IFIT2: variants seen among roughly 807,000 people sequenced by gnomAD.
IFIT2 encodes the protein interferon induced protein with tetratricopeptide repeats 2, also known as interferon-induced protein with tetratricopeptide repeats 2.
A neutral mutation model predicts 2.5 loss-of-function variants in IFIT2; 3 were observed. The ratio of observed to expected loss-of-function variants is 1.21; its 90% confidence interval spans 0.55 to 3.14. The LOEUF (loss-of-function observed/expected upper bound fraction) is 3.14, where lower values mean the gene tolerates loss of function less well. Ranked by LOEUF, IFIT2 falls within the 30% of genes most tolerant of loss-of-function variation. The probability of loss-of-function intolerance (pLI) is 0.03; values close to 1 mark genes in which losing one functional copy is unlikely to be tolerated. For missense variants in IFIT2, 493 were observed against 558.9 expected (o/e 0.88, Z 1.19); for synonymous variants, 212 against 200.7 (o/e 1.06, Z -0.48).
Position 89,307,043 on chromosome 10 carries a change from A to G in IFIT2, c.1087A>G (p.Lys363Glu), listed in dbSNP as rs1843485958. Residue 363 changes from lysine to glutamate, a missense_variant, in exon 2 of 2, where the codon AAA becomes GAA. Lys to Glu is a moderately conservative substitution (Grantham distance 56). Coordinates refer to ENST00000371826, the MANE Select transcript of IFIT2 (RefSeq NM_001547.5). ...AEYYFQKEFS[K>E]ELTPVAKQLL... ...GTATTACTTCCAAAAGGAATTCAGTAAAGAGCTTACTCCTGTAGCGAAACA... is the reference window on the plus strand; with the variant it reads ...GTATTACTTCCAAAAGGAATTCAGTGAAGAGCTTACTCCTGTAGCGAAACA... 1.9e-6 allele frequency: 3 copies of G among 1,614,064 alleles called. No individual in the cohort carries two copies. Among genetic ancestry groups the G allele is most frequent in the Non-Finnish European group, 2.5e-6 (3 of 1,179,962 alleles).
intron 1 of IFIT2, 62 bp from the exon 2 acceptor site, chr10:89,305,900 G>A (rs1337095140): frequency 2.6e-6 from 3 of 1,172,716 alleles, no homozygotes; most frequent in Non-Finnish European, 3.7e-6. Flanking sequence ...TATTTGCCAT[G>A]CTCCCATTTC....
intron 1 of IFIT2, among the ~76,000 whole-genome samples, chr10:89,303,145 C>A (rs1040783141): frequency 3.9e-5 from 6 of 152,094 alleles, no homozygotes; most frequent in African/African-American, 1.4e-4. Context: ...ACAATACAGA[C>A]CCATCTGTCC....
In IFIT2 at chr10:89,302,047, G is replaced by A. The variant is rs868622841; in HGVS notation, c.-77G>A. On this transcript the variant is annotated 5_prime_UTR_variant, in exon 1 of 2. Transcript: ENST00000371826. The stretch of plus-strand genomic sequence containing the variant: ...TAGGTCTCTTCAGCATTTATTGGTG[G>A]CAGAAGAGGAAGATTTCTGAAGAGT... The A allele has an allele frequency of 1.7e-4, 263 of 1,569,422 alleles. No homozygotes were observed. Among genetic ancestry groups the A allele is most frequent in the Middle Eastern group, 1.0e-3 (6 of 5,986 alleles).
intron 1 of IFIT2, 89 bp downstream of exon 1, chr10:89,302,217 G>A (rs986618538): frequency 7.2e-7 from 1 of 1,391,890 alleles, no homozygotes; most frequent in Non-Finnish European, 1.0e-6. Context: ...AAGAGGGCCA[G>A]CTCCATTTTA....
intron 1 of IFIT2, among the ~76,000 whole-genome samples, chr10:89,304,068 A>G (rs1263124714): frequency 1.3e-5 from 2 of 152,216 alleles, no homozygotes; most frequent in Non-Finnish European, 2.9e-5. Flanking sequence ...GTAACTTTAA[A>G]TCAGTTCCTG....
At chr10:89,305,914 A>T in intron 1 of IFIT2, 48 bp from the exon 2 acceptor site, 1 of 1,339,966 alleles carries the variant, frequency 7.5e-7, no homozygotes, top group Non-Finnish European at 1.0e-6. Flanking sequence ...CCATTTCTTG[A>T]CATATAAATC....
At position 89,306,633 on chromosome 10, in the gene IFIT2, G is replaced by C; in HGVS notation, c.677G>C (p.Gly226Ala). Reference sequence around the variant, plus strand: ...AAGCTTCATAAGATGCGTGAAGAAGGTGAAGAGGAAGGTGAAGGAGAGAAG... The same window carrying C: ...AAGCTTCATAAGATGCGTGAAGAAGCTGAAGAGGAAGGTGAAGGAGAGAAG... The part of the protein sequence containing the change: ...ALKLHKMREE[G>A]EEEGEGEKLV... Residue 226 changes from glycine (G) to alanine (A), a missense_variant, in exon 2 of 2, where the codon GGT (glycine) becomes GCT (alanine). Transcript: ENST00000371826. 6.2e-7 allele frequency: 1 copy of C among 1,614,124 alleles called. No individual in the cohort carries two copies. Among genetic ancestry groups the C allele is most frequent in the Non-Finnish European group, 8.5e-7 (1 of 1,179,980 alleles).
chr10:89,303,821 G>A (rs1391950119), intron 1 of IFIT2, among the ~76,000 whole-genome samples: 3 of 152,208 alleles, frequency 2.0e-5, no homozygotes, highest in Non-Finnish European at 4.4e-5. Context: ...GAATTGAGAG[G>A]GAGCAAGGAA....
intron 1 of IFIT2, among the ~76,000 whole-genome samples, chr10:89,302,727 T>A (rs551392282): frequency 4.6e-5 from 7 of 152,294 alleles, no homozygotes; most frequent in Admixed American, 2.6e-4. Flanking sequence ...GAGAAAATAG[T>A]TCTGTTCTCA....
intron 1 of IFIT2, among the ~76,000 whole-genome samples, chr10:89,304,768 T>C (rs1330768455): frequency 1.3e-5 from 2 of 152,098 alleles, no homozygotes; most frequent in African/African-American, 4.8e-5. Flanking sequence ...TTTTTGTTGT[T>C]GTTTTGTTTT....
Position 89,307,357 on chromosome 10 carries a change from A to G in IFIT2, c.1401A>G (p.Ser467=). ...CTGGAAGCCTCATCCCTTCAGCATC[A>G]AGCTGGAATGGGGAATGAAGAATAG... is the stretch of plus-strand genomic sequence containing the variant. ...LESGSLIPSA[S]SWNGE The change falls in exon 2 of 2, where the codon TCA becomes TCG. Residue 467 remains serine, a synonymous_variant. Coordinates refer to ENST00000371826, the MANE Select transcript of IFIT2 (RefSeq NM_001547.5). The G allele has an allele frequency of 1.2e-6, 2 of 1,601,674 alleles. No individual in the cohort carries two copies. Among genetic ancestry groups the G allele is most frequent in the Non-Finnish European group, 1.7e-6 (2 of 1,171,120 alleles).
rs1564781798 is a variant in IFIT2 at position 89,306,672 on chromosome 10, C to A, written c.716C>A (p.Ala239Asp). 6.2e-7 allele frequency: 1 copy of A among 1,613,960 alleles called. No individual in the cohort carries two copies. The highest frequency in any genetic ancestry group is 8.5e-7 in the Non-Finnish European group (1 of 1,179,962). ...EGEGEKLVEE[A>D]LEKAPGVTDV... ...GAAGGAGAGAAGTTAGTTGAAGAAGCCTTGGAGAAAGCCCCAGGTGTAACA... is the reference window on the plus strand; with the variant it reads ...GAAGGAGAGAAGTTAGTTGAAGAAGACTTGGAGAAAGCCCCAGGTGTAACA... Residue 239 changes from alanine to aspartate, a missense_variant, in exon 2 of 2, where the codon GCC (alanine) becomes GAC (aspartate). Coordinates refer to ENST00000371826, the MANE Select transcript of IFIT2 (RefSeq NM_001547.5).
Position 89,306,128 on chromosome 10 carries a change from G to A in IFIT2, c.172G>A (p.Ala58Thr), listed in dbSNP as rs757223685. 1.2e-6 allele frequency: 2 copies of A among 1,614,102 alleles called. No homozygotes were observed. The highest frequency in any genetic ancestry group is 1.6e-4 in the Middle Eastern group (1 of 6,062). The change falls in exon 2 of 2, where the codon GCC becomes ACC. Residue 58 changes from alanine to threonine, a missense_variant. Transcript: ENST00000371826. ...CAAAGCCACAATGTGCAACCTACTGGCCTATCTAAAGCACCTCAAAGGGCA... is the reference window on the plus strand; with the variant it reads ...CAAAGCCACAATGTGCAACCTACTGACCTATCTAAAGCACCTCAAAGGGCA... ...EFKATMCNLLAYLKHLKGQNE... is the reference protein window; with the variant it reads ...EFKATMCNLLTYLKHLKGQNE...
rs543076659 is a variant in IFIT2 at position 89,305,899 on chromosome 10, T to C, written c.6-63T>C. 5.1e-6 allele frequency: 6 copies of C among 1,165,412 alleles called. No homozygotes were observed. In the African/African-American group the frequency reaches 6.1e-5, roughly 12 times the overall value. The allele number at this position is 1,165,412 out of a possible 1,614,324, so 72.2% of individuals were successfully genotyped here. ...AGGAGGAGGAGCATTTTATTTGCCA[T>C]GCTCCCATTTCTTGACATATAAATC... On this transcript the variant is annotated intron_variant, in intron 1 of 1. Transcript: ENST00000371826.
intron 1 of IFIT2, among the ~76,000 whole-genome samples, chr10:89,302,892 G>C (rs1186318232): frequency 6.6e-6 from 1 of 151,762 alleles, no homozygotes; most frequent in Non-Finnish European, 1.5e-5. Context: ...GGAATCCCGT[G>C]TTACCAACCC....
At chr10:89,303,997 G>A (rs894810407) in intron 1 of IFIT2, among the ~76,000 whole-genome samples, 1 of 152,188 alleles carries the variant, frequency 6.6e-6, no homozygotes, top group Non-Finnish European at 1.5e-5. Flanking sequence ...GCTCCCCAGT[G>A]TCCTGTTCTG....
rs754992517 is a variant in IFIT2 at position 89,307,320 on chromosome 10, G to A, written c.1364G>A (p.Arg455Lys). The A allele has an allele frequency of 1.9e-6, 3 of 1,612,880 alleles. No homozygotes were observed. Among genetic ancestry groups the A allele is most frequent in the South Asian group, 1.1e-5 (1 of 90,988 alleles). ...KMQQADEDSE[R>K]GLESGSLIPS... Reference sequence around the variant, plus strand: ...CAACAAGCAGATGAAGACTCTGAGAGGGGTTTGGAGTCTGGAAGCCTCATC... The same window carrying A: ...CAACAAGCAGATGAAGACTCTGAGAAGGGTTTGGAGTCTGGAAGCCTCATC... Residue 455 changes from arginine (R) to lysine (K), a missense_variant, in exon 2 of 2, where the codon AGG becomes AAG. Arg to Lys is a conservative substitution (Grantham distance 26). Coordinates refer to ENST00000371826, the MANE Select transcript of IFIT2 (RefSeq NM_001547.5).
chr10:89,307,651 A>C lies in IFIT2; in HGVS notation c.*276A>C. On this transcript the variant is annotated 3_prime_UTR_variant, in exon 2 of 2. Transcript: ENST00000371826. ...TCTTGAGTGCAATTTGAACTGTAACATTTGCTTAGTCACCTTTAGTGGAGT... is the reference window on the plus strand; with the variant it reads ...TCTTGAGTGCAATTTGAACTGTAACCTTTGCTTAGTCACCTTTAGTGGAGT... 1 of 320,922 alleles carries C rather than the reference A, an allele frequency of 3.1e-6. No individual in the cohort carries two copies. Among genetic ancestry groups the C allele is most frequent in the Non-Finnish European group, 5.8e-6 (1 of 172,376 alleles). The allele number at this position is 320,922 out of a possible 1,614,324, so 19.9% of individuals were successfully genotyped here. A position where few individuals can be genotyped will look rare whatever the true frequency, so the allele number is the denominator to read the frequency against.
chr10:89,305,050 A>G (rs1305118041), intron 1 of IFIT2, among the ~76,000 whole-genome samples: 1 of 152,072 alleles, frequency 6.6e-6, no homozygotes, highest in Admixed American at 6.5e-5. Flanking sequence ...ACTCAATGAG[A>G]TGTGTTAAGA....
Sources: allele counts gnomAD v4.1 joint callset (sites outside exome capture counted in the v4.1 genomes callset), GRCh38; gene constraint gnomAD v4.1.1; transcripts MANE v1.5; gene names NCBI Gene and HGNC (gene_info 2026-07-23, HGNC 2026-07-21).